Variants in PROX1 observed in about 807,000 individuals in gnomAD.
PROX1 encodes prospero homeobox 1, also known as prospero homeobox protein 1.
In PROX1, 7 loss-of-function variants were observed where a neutral mutation model predicts 58.8. The observed-to-expected ratio is 0.12, with a 90% CI of 0.07 to 0.22. The LOEUF (loss-of-function observed/expected upper bound fraction) is 0.22, where lower values mean the gene tolerates loss of function less well. Among genes scored for constraint, PROX1 ranks in the 10% least tolerant of loss-of-function variants. The pLI, the probability that PROX1 is intolerant of heterozygous loss-of-function variation, is 1.00. For synonymous variants in PROX1, 350 were observed against 358.3 expected, an observed-to-expected ratio of 0.98 and a Z score of 0.26; for missense variants, 675 against 927.8, an observed-to-expected ratio of 0.73 and a Z score of 3.54.
chr1:214,014,180 TG>T (rs1260134445), intron 4 of PROX1, among the ~76,000 whole-genome samples: 1 of 152,196 alleles, frequency 6.6e-6, no homozygotes, highest in Non-Finnish European at 1.5e-5. Context: ...TTTGCTAGTG[TG>T]GGCCGTGGCT....
chr1:213,995,612 A>G (rs1408299589), intron 1 of PROX1, among the ~76,000 whole-genome samples: 1 of 152,176 alleles, frequency 6.6e-6, no homozygotes, highest in Non-Finnish European at 1.5e-5. Flanking sequence ...ATCTCGGTCA[A>G]TAACTTATTA....
chr1:214,005,351 A>T lies in PROX1; in HGVS notation c.1833+79A>T. The stretch of plus-strand genomic sequence containing the variant: ...TTTGAACTCCCGGAAGTTAATGGAG[A>T]TGAATGTGGAATTGGTTTATTCCTA... On this transcript the variant is annotated intron_variant, in intron 3 of 4. Transcript: ENST00000366958. 3 of 1,099,088 alleles carry T rather than the reference A, an allele frequency of 2.7e-6. No individual in the cohort carries two copies. In the South Asian group the frequency reaches 4.2e-5, roughly 15 times the overall value. 68.1% of individuals were successfully genotyped at this position (1,099,088 alleles called of 1,614,324 possible).
intron 4 of PROX1, among the ~76,000 whole-genome samples, chr1:214,015,133 G>T (rs1337665350): frequency 6.6e-6 from 1 of 152,134 alleles, no homozygotes; most frequent in East Asian, 1.9e-4. Context: ...GGTGGTGAGC[G>T]TTTGAGAAGA....
chr1:213,999,689 C>T (rs1006397467), intron 2 of PROX1, among the ~76,000 whole-genome samples: 3 of 152,092 alleles, frequency 2.0e-5, no homozygotes, highest in Non-Finnish European at 4.4e-5. Context: ...TCTACATATA[C>T]GTAGAAATGG....
chr1:213,990,223 G>T (rs530337010), intron 1 of PROX1, among the ~76,000 whole-genome samples: 1 of 151,546 alleles, frequency 6.6e-6, no homozygotes, highest in East Asian at 1.9e-4. Flanking sequence ...AGCAGAGTGC[G>T]CATGGGCAGG....
chr1:213,985,512 G>C (rs1662802680), upstream of PROX1: 2 of 152,214 alleles, frequency 1.3e-5, no homozygotes, highest in African/African-American at 4.8e-5. Context: ...CCGCTCCTGC[G>C]CCCTAATGCG....
chr1:214,026,117 G>A (rs1014782972), intron 4 of PROX1, among the ~76,000 whole-genome samples: 46 of 152,300 alleles, frequency 3.0e-4, no homozygotes, highest in African/African-American at 9.6e-4. Context: ...TTAGGTTTTA[G>A]TTTTTGATGC....
At chr1:213,998,285 GA>G (rs1189001446) in intron 2 of PROX1, 25 bp downstream of exon 2, 1 of 1,512,730 alleles carries the variant, frequency 6.6e-7, no homozygotes, top group Non-Finnish European at 8.8e-7. Context: ...TCCCCTCGAG[GA>G]AAAAACAAAC....
At chr1:214,005,916 C>T (rs1663691456) in intron 3 of PROX1, among the ~76,000 whole-genome samples, 1 of 151,734 alleles carries the variant, frequency 6.6e-6, no homozygotes, top group Non-Finnish European at 1.5e-5. Context: ...AATATTGGGA[C>T]CTCCTGGTTC....
At chr1:214,035,491 G>A (rs577105590) in intron 4 of PROX1, among the ~76,000 whole-genome samples, 158 bp from the exon 5 acceptor site, 3 of 152,252 alleles carry the variant, frequency 2.0e-5, no homozygotes, top group Non-Finnish European at 4.4e-5. Context: ...TATATATAAT[G>A]ACTTTACATT....
In PROX1 at chr1:213,996,946, C is replaced by G. The variant is rs373902403; in HGVS notation, c.411C>G (p.Pro137=). The G allele has an allele frequency of 4.3e-6, 7 of 1,614,056 alleles. No homozygotes were observed. The highest frequency in any genetic ancestry group is 5.1e-6 in the Non-Finnish European group (6 of 1,180,034). ...DICSNSSRDS[P]PECLSPFGRP... ...GCAGCAACTCTTCAAGAGACAGCCC[C>G]CCAGAGTGTCTTTCCCCTTTTGGCA... is the stretch of plus-strand genomic sequence containing the variant. Residue 137 remains proline (P), a synonymous_variant, in exon 2 of 5, where the codon CCC becomes CCG. Coordinates refer to ENST00000366958, the MANE Select transcript of PROX1 (RefSeq NM_001270616.2).
At chr1:213,994,624 G>A (rs1025478190) in intron 1 of PROX1, among the ~76,000 whole-genome samples, 5 of 151,276 alleles carry the variant, frequency 3.3e-5, no homozygotes, top group Non-Finnish European at 5.9e-5. Flanking sequence ...GTGTTTGAAA[G>A]GGTCTCAATC....
At chr1:213,999,770 C>T (rs565576062) in intron 2 of PROX1, among the ~76,000 whole-genome samples, 1 of 152,292 alleles carries the variant, frequency 6.6e-6, no homozygotes, top group African/African-American at 2.4e-5. Flanking sequence ...AGCCATGAAT[C>T]AAAGCTGCAC....
intron 4 of PROX1, among the ~76,000 whole-genome samples, chr1:214,015,726 T>C (rs1434982158): frequency 6.6e-6 from 1 of 151,924 alleles, no homozygotes; most frequent in Non-Finnish European, 1.5e-5. Flanking sequence ...CATCCAAAGG[T>C]TGGAGGGTTT....
chr1:213,998,984 G>C (rs1663393370), intron 2 of PROX1, among the ~76,000 whole-genome samples: 1 of 152,146 alleles, frequency 6.6e-6, no homozygotes. Context: ...CTCTATGCAT[G>C]ATTAACCTCT....
chr1:214,018,471 G>A (rs1455578837), intron 4 of PROX1, among the ~76,000 whole-genome samples: 1 of 152,090 alleles, frequency 6.6e-6, no homozygotes, highest in Non-Finnish European at 1.5e-5. Context: ...TTGTCTTCCT[G>A]CACCCCCCAA....
chr1:214,019,235 C>T (rs1664198618), intron 4 of PROX1, among the ~76,000 whole-genome samples: 1 of 151,684 alleles, frequency 6.6e-6, no homozygotes, highest in African/African-American at 2.4e-5. Flanking sequence ...CTCTTTTTGC[C>T]CCCCCACCCC....
intron 4 of PROX1, among the ~76,000 whole-genome samples, chr1:214,012,544 G>A (rs980114198): frequency 1.3e-5 from 2 of 152,194 alleles, no homozygotes; most frequent in African/African-American, 4.8e-5. Context: ...ATGACTCTCT[G>A]TGAGACAACA....
At position 213,997,081 on chromosome 1, in the gene PROX1, G is replaced by A; in HGVS notation, c.546G>A (p.Val182=). The A allele has an allele frequency of 6.2e-7, 1 of 1,613,916 alleles. No homozygotes were observed. The highest frequency in any genetic ancestry group is 8.5e-7 in the Non-Finnish European group (1 of 1,179,960). Residue 182 remains valine (V), a synonymous_variant, in exon 2 of 5, where the codon GTG becomes GTA. Coordinates refer to ENST00000366958, the MANE Select transcript of PROX1 (RefSeq NM_001270616.2). The surrounding 1 kb of genome is among the most constrained non-coding windows in gnomAD (Gnocchi z 7.1). The part of the protein sequence containing the change: ...IIRGMSHSPS[V]ALRGNENERE... ...GGGGTATGAGCCATTCCCCCAGTGT[G>A]GCATTAAGGGGCAATGAAAATGAAA... is the stretch of plus-strand genomic sequence containing the variant.
Sources: allele counts gnomAD v4.1 joint callset (sites outside exome capture counted in the v4.1 genomes callset), GRCh38; gene constraint gnomAD v4.1.1; non-coding constraint Gnocchi (gnomAD v3.1); transcripts MANE v1.5; gene names NCBI Gene and HGNC (gene_info 2026-07-23, HGNC 2026-07-21).